MGAT4C: variants seen among roughly 807,000 people sequenced by gnomAD.
MGAT4C encodes MGAT4 family member C.
Under a neutral mutation model 40.1 loss-of-function variants are expected in MGAT4C, and 19 were observed. The observed-to-expected ratio is 0.47, with a 90% CI of 0.33 to 0.70. MGAT4C has a LOEUF of 0.70. MGAT4C is among the 30% of genes least tolerant of loss of function. The probability of loss-of-function intolerance (pLI) is 0.02; values close to 1 mark genes in which losing one functional copy is unlikely to be tolerated. For synonymous variants in MGAT4C, 181 were observed against 187.1 expected, an observed-to-expected ratio of 0.97 and a Z score of 0.27; for missense variants, 491 against 563.2, an observed-to-expected ratio of 0.87 and a Z score of 1.30.
At chr12:86,791,779 A>C (rs1952027034) in intron 1 of MGAT4C, among the ~76,000 whole-genome samples, 1 of 152,164 alleles carries the variant, frequency 6.6e-6, no homozygotes, top group African/African-American at 2.4e-5. Flanking sequence ...AATTTTACAG[A>C]GTGCTCTGAG....
chr12:86,752,303 T>C (rs756412969), intron 1 of MGAT4C, among the ~76,000 whole-genome samples: 2 of 152,048 alleles, frequency 1.3e-5, no homozygotes, highest in African/African-American at 4.8e-5. Context: ...TTTATTAGAT[T>C]AGGAATTTTA....
chr12:86,380,455 T>TA (rs915838622), intron 3 of MGAT4C, among the ~76,000 whole-genome samples: 15 of 149,266 alleles, frequency 1.0e-4, no homozygotes, highest in East Asian at 5.9e-4. Flanking sequence ...ATGCCAGAAA[T>TA]AAAAAAAAAA....
chr12:86,779,757 C>A (rs1465577111), intron 1 of MGAT4C, among the ~76,000 whole-genome samples: 1 of 151,448 alleles, frequency 6.6e-6, no homozygotes, highest in East Asian at 1.9e-4. Flanking sequence ...ACTAAAAATA[C>A]AAAAAATTAG....
At chr12:86,820,229 C>A (rs1952681983) in intron 1 of MGAT4C, among the ~76,000 whole-genome samples, 1 of 150,598 alleles carries the variant, frequency 6.6e-6, no homozygotes, top group African/African-American at 2.4e-5. Flanking sequence ...ACTTTTATAA[C>A]ATAGAACACA....
chr12:86,471,136 G>C (rs946769367), intron 2 of MGAT4C, among the ~76,000 whole-genome samples: 2 of 151,850 alleles, frequency 1.3e-5, no homozygotes, highest in African/African-American at 4.8e-5. Context: ...TAGGCTAGAG[G>C]GAAATAACTA....
intron 4 of MGAT4C, among the ~76,000 whole-genome samples, chr12:86,329,149 A>AAAT (rs1566293135): frequency 7.1e-6 from 1 of 140,284 alleles, no homozygotes; most frequent in Non-Finnish European, 1.6e-5. Context: ...AATAAATAAA[A>AAAT]TAGAACAAGA....
chr12:86,172,510 T>TG (rs1170771433), intron 1 of MGAT4C, among the ~76,000 whole-genome samples: 1 of 152,124 alleles, frequency 6.6e-6, no homozygotes, highest in East Asian at 1.9e-4. Flanking sequence ...TTTATTTTAA[T>TG]GGGGGATACA....
intron 3 of MGAT4C, among the ~76,000 whole-genome samples, chr12:86,417,526 A>T (rs2136251593): frequency 6.6e-6 from 1 of 152,248 alleles, no homozygotes; most frequent in South Asian, 2.1e-4. Flanking sequence ...ATTAAATTAG[A>T]ATTTATGTAA....
intron 1 of MGAT4C, among the ~76,000 whole-genome samples, chr12:86,252,741 T>C (rs1952353276): frequency 6.6e-6 from 1 of 151,908 alleles, no homozygotes. Flanking sequence ...ATTTTACTTA[T>C]ACTATAAAGA....
intron 1 of MGAT4C, among the ~76,000 whole-genome samples, chr12:86,781,012 T>TGTG (rs1565985853): frequency 5.1e-5 from 2 of 39,134 alleles, no homozygotes; most frequent in South Asian, 1.4e-3. Context: ...TGGCTGAGTA[T>TGTG]TGTGTGTGTG....
At chr12:86,486,244 C>A (rs1958016686) in intron 2 of MGAT4C, among the ~76,000 whole-genome samples, 1 of 151,836 alleles carries the variant, frequency 6.6e-6, no homozygotes, top group Non-Finnish European at 1.5e-5. Context: ...TCTAATTGCC[C>A]CACTTAAAGA....
In MGAT4C at chr12:86,433,367, T is replaced by C. The variant is rs1041511807; in HGVS notation, c.-120+1790A>G. Among the ~76,000 whole-genome samples the C allele has an allele frequency of 2.1e-4, 31 of 150,596 alleles. 1 individual carries two copies. The highest frequency in any genetic ancestry group is 7.6e-4 in the African/African-American group (31 of 40,540). ...GTATGTGTGTGTGTGCATATATATATACACAGAAGGATTTTCTTTCTGTCT... is the reference window on the plus strand; with the variant it reads ...GTATGTGTGTGTGTGCATATATATACACACAGAAGGATTTTCTTTCTGTCT... On this transcript the variant is annotated intron_variant, in intron 3 of 7. Coordinates refer to the MGAT4C transcript ENST00000548651.
chr12:86,293,305 G>A (rs1953573608), intron 4 of MGAT4C, among the ~76,000 whole-genome samples: 1 of 152,136 alleles, frequency 6.6e-6, no homozygotes, highest in African/African-American at 2.4e-5. Flanking sequence ...AGAGTCAATA[G>A]TGAGTCTCCT....
At chr12:86,376,093 A>C (rs1353290490) in intron 3 of MGAT4C, among the ~76,000 whole-genome samples, 1 of 152,038 alleles carries the variant, frequency 6.6e-6, no homozygotes, top group African/African-American at 2.4e-5. Context: ...GGATAGTTAA[A>C]TTGAAAAAAT....
At chr12:86,164,994 T>C (rs1489919691) in intron 1 of MGAT4C, among the ~76,000 whole-genome samples, 2 of 152,132 alleles carry the variant, frequency 1.3e-5, no homozygotes, top group Non-Finnish European at 2.9e-5. Flanking sequence ...ATCTGGGACA[T>C]ATGGTTGTTA....
At chr12:86,310,255 T>C (rs996925263) in intron 4 of MGAT4C, among the ~76,000 whole-genome samples, 2 of 152,180 alleles carry the variant, frequency 1.3e-5, no homozygotes, top group African/African-American at 2.4e-5. Flanking sequence ...TTTTATTTTG[T>C]TTTTAAATCA....
At chr12:86,507,259 T>C (rs1592931365) in intron 2 of MGAT4C, among the ~76,000 whole-genome samples, 2 of 152,348 alleles carry the variant, frequency 1.3e-5, no homozygotes, top group African/African-American at 2.4e-5. Flanking sequence ...TAGTCTACTA[T>C]TATTCATCTA....
rs1431493630 is a variant in MGAT4C, at chr12:85,976,625, T to C, written c.*2664A>G. On this transcript the variant is annotated 3_prime_UTR_variant, in exon 5 of 5. Transcript: ENST00000611864. ...CATGTCTCATGCCAGTCTTTTTCAA[T>C]TGTTATTTTTAACAAAGAAAATTAT... The C allele has an allele frequency of 4.8e-5, 7 of 146,232 alleles. No individual in the cohort carries two copies. Among genetic ancestry groups the C allele is most frequent in the Admixed American group, 1.4e-4 (2 of 14,608 alleles). 9.1% of individuals were successfully genotyped at this position (146,232 alleles called of 1,614,324 possible).
At chr12:86,105,460 T>C (rs1875978966) in intron 1 of MGAT4C, among the ~76,000 whole-genome samples, 1 of 152,138 alleles carries the variant, frequency 6.6e-6, no homozygotes, top group South Asian at 2.1e-4. Context: ...TCAAAAACAA[T>C]AAATTAATAG....
Sources: allele counts gnomAD v4.1 joint callset (sites outside exome capture counted in the v4.1 genomes callset), GRCh38; gene constraint gnomAD v4.1.1; transcripts MANE v1.5; gene names NCBI Gene and HGNC (gene_info 2026-07-23, HGNC 2026-07-21).